CLU: variants seen among roughly 807,000 people sequenced by gnomAD.
The protein encoded by CLU is clusterin.
In CLU, 25 loss-of-function variants were observed where a neutral mutation model predicts 46.4. The observed-to-expected ratio is 0.54, with a 90% confidence interval of 0.39 to 0.75. The LOEUF is 0.75. CLU is among the 30% of genes least tolerant of loss of function. The probability of loss-of-function intolerance (pLI) is 0.00; values close to 1 mark genes in which losing one functional copy is unlikely to be tolerated. For missense variants in CLU, 504 were observed against 592.1 expected (o/e 0.85, Z 1.54); for synonymous variants, 235 against 235.1 (o/e 1.00, Z 0.00).
Position 27,610,455 on chromosome 8 carries a change from A to G in CLU, c.97+20T>C, listed in dbSNP as rs763941662. 8 of 1,599,848 alleles carry G rather than the reference A, an allele frequency of 5.0e-6. No homozygotes were observed. The highest frequency in any genetic ancestry group is 4.0e-5 in the African/African-American group (3 of 74,520). ...CTCATCACCCTGTGGCCAGAGGAAC[A>G]TCATGCTTGGTCTACTCACCCTGGA... On this transcript the variant is annotated intron_variant, in intron 2 of 8. Coordinates refer to ENST00000316403, the MANE Select transcript of CLU (RefSeq NM_001831.4).
chr8:27,611,102 C>G (rs555220766), intron 1 of CLU: 10 of 425,534 alleles, frequency 2.3e-5, no homozygotes, highest in Admixed American at 4.9e-5. Flanking sequence ...CAGACGCTCC[C>G]CATTCACCAC....
Position 27,610,608 on chromosome 8 carries a change from G to T in CLU, c.-29-8C>A. The T allele has an allele frequency of 1.3e-6, 2 of 1,596,830 alleles. No homozygotes were observed. The highest frequency in any genetic ancestry group is 1.7e-6 in the Non-Finnish European group (2 of 1,164,368). On this transcript the variant is annotated splice_polypyrimidine_tract_variant and splice_region_variant and intron_variant, in intron 1 of 8. Coordinates refer to ENST00000316403, the MANE Select transcript of CLU (RefSeq NM_001831.4). ...TGGAGTCTTTGCACGCCTCTGCAGA[G>T]AACAGGAGACCATCATGGGAACAGC...
intron 1 of CLU, 141 bp from the exon 2 acceptor site, chr8:27,610,741 G>C (rs1348616711): frequency 1.5e-6 from 1 of 650,172 alleles, no homozygotes. Context: ...TTATTCCTGA[G>C]GAAATGGGGG....
chr8:27,612,824 C>T (rs1427495942), intron 1 of CLU, among the ~76,000 whole-genome samples: 3 of 151,934 alleles, frequency 2.0e-5, no homozygotes, highest in Non-Finnish European at 4.4e-5. Context: ...CCCTCGAGTC[C>T]CCAGCACTAC....
chr8:27,608,889 C>T (rs753882466), intron 3 of CLU, 49 bp downstream of exon 3: 21 of 1,609,964 alleles, frequency 1.3e-5, no homozygotes, highest in East Asian at 4.5e-5. Context: ...CCCTCCCTCC[C>T]CTCCAGTGGG....
Position 27,598,613 on chromosome 8 carries a change from G to A in CLU, c.1187C>T (p.Ser396Leu), listed in dbSNP as rs13494. The A allele has an allele frequency of 1.5e-3, 2,427 of 1,614,136 alleles. 39 individuals are homozygous for A. In the African/African-American group the frequency reaches 0.029, roughly 19 times the overall value. Residue 396 changes from serine (S) to leucine (L), a missense_variant, in exon 8 of 9, where the codon TCG becomes TTG. Physicochemically the swap from Ser to Leu is moderately radical, Grantham distance 145. Transcript: ENST00000316403. ...VTTVASHTSD[S>L]DVPSGVTEVV... ...CTCAGTGACACCGGAAGGAACGTCC[G>A]AGTCAGAAGTGTGGGAAGCCACCTA... is the stretch of plus-strand genomic sequence containing the variant.
chr8:27,610,852 G>A (rs1367662989), intron 1 of CLU: 35 of 474,264 alleles, frequency 7.4e-5, no homozygotes, highest in South Asian at 6.9e-4. Context: ...GAAGAAACAA[G>A]AACCCTGGCA....
At chr8:27,601,328 G>A (rs1401633728) in intron 6 of CLU, among the ~76,000 whole-genome samples, 1 of 152,214 alleles carries the variant, frequency 6.6e-6, no homozygotes, top group Non-Finnish European at 1.5e-5. Context: ...GGGATTACAG[G>A]TGTGAGCCAA....
chr8:27,599,862 T>C lies in CLU; in HGVS notation c.1082A>G (p.Gln361Arg). ...KMLNTSSLLE[Q>R]LNEQFNWVSR... ...CACCCAGTTAAACTGCTCGTTCAGC[T>C]GCTCCAGCAAGGAGGAGGTGTTGAG... Residue 361 changes from glutamine to arginine, a missense_variant, in exon 7 of 9, where the codon CAG becomes CGG. Physicochemically the swap from Gln to Arg is conservative, Grantham distance 43. Transcript: ENST00000316403. The surrounding 1 kb of genome is among the most constrained non-coding windows in gnomAD (Gnocchi z 4.0). The C allele has an allele frequency of 6.2e-7, 1 of 1,614,192 alleles. No individual in the cohort carries two copies. Among genetic ancestry groups the C allele is most frequent in the Non-Finnish European group, 8.5e-7 (1 of 1,180,026 alleles).
intron 3 of CLU, chr8:27,608,540 G>T (rs1800861870): frequency 2.8e-6 from 1 of 351,824 alleles, no homozygotes; most frequent in Admixed American, 4.4e-5. Context: ...CAAGACGTGG[G>T]GTGCTGTGTG....
chr8:27,600,092 G>T, intron 6 of CLU, 83 bp from the exon 7 acceptor site: 1 of 1,041,356 alleles, frequency 9.6e-7, no homozygotes, highest in Non-Finnish European at 1.5e-6. Flanking sequence ...ATGGAAGTTA[G>T]CACATGCAGC....
At chr8:27,609,789 G>A (rs895175912) in intron 2 of CLU, among the ~76,000 whole-genome samples, 2 of 152,150 alleles carry the variant, frequency 1.3e-5, no homozygotes, top group Admixed American at 1.3e-4. Context: ...CATACAGGTG[G>A]TGCTTATAGT....
At chr8:27,611,745 G>T (rs1243198905) in intron 1 of CLU, 2 of 457,680 alleles carry the variant, frequency 4.4e-6, no homozygotes, top group East Asian at 7.0e-5. Context: ...GTAATCAGGC[G>T]CAAAGAGCCA....
intron 4 of CLU, 89 bp from the exon 5 acceptor site, chr8:27,605,424 C>T (rs1202161048): frequency 3.8e-5 from 53 of 1,393,524 alleles, no homozygotes; most frequent in Non-Finnish European, 5.1e-5. Context: ...CAGGCCAGGC[C>T]CTGCCCATGG....
rs1800682029 is a variant in CLU at position 27,599,736 on chromosome 8, G to T, written c.1164+44C>A. On this transcript the variant is annotated intron_variant, in intron 7 of 8. Transcript: ENST00000316403. This position sits in a 1 kb window ranked among gnomAD's most constrained non-coding sequence, Gnocchi z 4.0. ...ACACATGCCCCTGCTCCCGATCACAGCTCGGGCTCCCGAGCCACAGCATGT... is the reference window on the plus strand; with the variant it reads ...ACACATGCCCCTGCTCCCGATCACATCTCGGGCTCCCGAGCCACAGCATGT... 6.9e-7 allele frequency: 1 copy of T among 1,447,336 alleles called. No individual in the cohort carries two copies. The highest frequency in any genetic ancestry group is 1.4e-5 in the African/African-American group (1 of 71,236). 89.7% of individuals were successfully genotyped at this position (1,447,336 alleles called of 1,614,324 possible). A position where few individuals can be genotyped will look rare whatever the true frequency, so the allele number is the denominator to read the frequency against.
In CLU at chr8:27,605,255, G is replaced by A; in HGVS notation, c.498C>T (p.Asp166=). 6.2e-7 allele frequency: 1 copy of A among 1,614,198 alleles called. No homozygotes were observed. Among genetic ancestry groups the A allele is most frequent in the South Asian group, 1.1e-5 (1 of 91,076 alleles). Residue 166 remains aspartate (D), a synonymous_variant, in exon 5 of 9, where the codon GAC becomes GAT. Coordinates refer to ENST00000316403, the MANE Select transcript of CLU (RefSeq NM_001831.4). ...GDRIDSLLEN[D]RQQTHMLDVM... ...CATCCAGCATGTGCGTCTGCTGCCG[G>A]TCGTTCTCCAGCAGGGAGTCGATGC...
At position 27,599,736 on chromosome 8, in the gene CLU, G is replaced by A; in HGVS notation, c.1164+44C>T. The A allele has an allele frequency of 6.9e-7, 1 of 1,447,338 alleles. No homozygotes were observed. The allele number at this position is 1,447,338 out of a possible 1,614,324, so 89.7% of individuals were successfully genotyped here. On this transcript the variant is annotated intron_variant, in intron 7 of 8. Transcript: ENST00000316403. The surrounding 1 kb of genome is among the most constrained non-coding windows in gnomAD (Gnocchi z 4.0). ...ACACATGCCCCTGCTCCCGATCACA[G>A]CTCGGGCTCCCGAGCCACAGCATGT... is the stretch of plus-strand genomic sequence containing the variant.
Position 27,597,425 on chromosome 8 carries a change from G to A in CLU, c.*816C>T, listed in dbSNP as rs749136684. On this transcript the variant is annotated 3_prime_UTR_variant, in exon 9 of 9. Coordinates refer to ENST00000316403, the MANE Select transcript of CLU (RefSeq NM_001831.4). Reference sequence around the variant, plus strand: ...GAAAGGTATGAAGATCATATAAACCGGCGGTGGACAGGAAATGCCACAGTC... The same window carrying A: ...GAAAGGTATGAAGATCATATAAACCAGCGGTGGACAGGAAATGCCACAGTC... 5 of 454,494 alleles carry A rather than the reference G, an allele frequency of 1.1e-5. No homozygotes were observed. The highest frequency in any genetic ancestry group is 4.7e-5 in the South Asian group (3 of 64,472). 28.2% of individuals were successfully genotyped at this position (454,494 alleles called of 1,614,324 possible).
chr8:27,599,756 G>A lies in CLU; in HGVS notation c.1164+24C>T. The A allele has an allele frequency of 1.3e-6, 2 of 1,558,492 alleles. No individual in the cohort carries two copies. Among genetic ancestry groups the A allele is most frequent in the South Asian group, 2.3e-5 (2 of 87,710 alleles). On this transcript the variant is annotated intron_variant, in intron 7 of 8. Coordinates refer to ENST00000316403, the MANE Select transcript of CLU (RefSeq NM_001831.4). The surrounding 1 kb of genome is among the most constrained non-coding windows in gnomAD (Gnocchi z 4.0). ...TCACAGCTCGGGCTCCCGAGCCACA[G>A]CATGTGGCCGGGACACAGCTCACCG...
Sources: allele counts gnomAD v4.1 joint callset (sites outside exome capture counted in the v4.1 genomes callset), GRCh38; gene constraint gnomAD v4.1.1; non-coding constraint Gnocchi (gnomAD v3.1); transcripts MANE v1.5; gene names NCBI Gene and HGNC (gene_info 2026-07-23, HGNC 2026-07-21).